Variants in FZD3 observed in about 807,000 individuals in gnomAD.
The protein encoded by FZD3 is frizzled-3.
Under a neutral mutation model 60.7 loss-of-function variants are expected in FZD3, and 30 were observed. The observed-to-expected ratio is 0.49, with a 90% CI of 0.37 to 0.67. FZD3 has a LOEUF of 0.67. Ranked by LOEUF, FZD3 falls within the 30% of genes least tolerant of loss-of-function variation. FZD3 has a pLI of 0.00. For synonymous variants in FZD3, 246 were observed against 275.2 expected (o/e 0.89, Z 1.05); for missense variants, 605 against 838.7 (o/e 0.72, Z 3.44).
At position 28,562,953 on chromosome 8, in the gene FZD3, A is replaced by C; in HGVS notation, c.1943A>C (p.His648Pro). The C allele has an allele frequency of 6.2e-7, 1 of 1,613,768 alleles. No individual in the cohort carries two copies. The highest frequency in any genetic ancestry group is 8.5e-7 in the Non-Finnish European group (1 of 1,179,634). The part of the protein sequence containing the change: ...IRDLSNNPMT[H>P]ITHGTSMNRV... ...GATCTCAGTAATAATCCCATGACTC[A>C]TATCACACATGGCACCAGCATGAAT... Residue 648 changes from histidine (H) to proline (P), a missense_variant, in exon 8 of 8, where the codon CAT (histidine) becomes CCT (proline). His to Pro is a moderately conservative substitution (Grantham distance 77). Coordinates refer to ENST00000240093, the MANE Select transcript of FZD3 (RefSeq NM_017412.4).
chr8:28,572,522 T>C lies in FZD3; in HGVS notation c.*9511T>C, dbSNP rs2130495858. ...TTGAAGCAAATACCTTTTGGAAGTA[T>C]ATATGTTACATAAGACTTTCACTAA... On this transcript the variant is annotated 3_prime_UTR_variant, in exon 8 of 8. Transcript: ENST00000240093. The C allele has an allele frequency of 6.6e-6, 1 of 152,352 alleles. No individual in the cohort carries two copies. The highest frequency in any genetic ancestry group is 2.4e-5 in the African/African-American group (1 of 41,584). 9.4% of individuals were successfully genotyped at this position (152,352 alleles called of 1,614,324 possible).
At chr8:28,536,577 C>G (rs914532910) in intron 5 of FZD3, among the ~76,000 whole-genome samples, 2 of 152,066 alleles carry the variant, frequency 1.3e-5, no homozygotes, top group Non-Finnish European at 2.9e-5. Context: ...GCTGTGGTGG[C>G]ACACGCCTAT....
rs142052513 is a variant in FZD3, at chr8:28,516,329, A to T, written c.190-4309A>T. 2.3e-3 allele frequency among the ~76,000 whole-genome samples: 343 copies of T among 152,318 alleles called. 1 individual carries two copies. The highest frequency in any genetic ancestry group is 3.5e-3 in the Non-Finnish European group (239 of 68,028). On this transcript the variant is annotated intron_variant, in intron 3 of 7. Coordinates refer to ENST00000240093, the MANE Select transcript of FZD3 (RefSeq NM_017412.4). Reference sequence around the variant, plus strand: ...TTGTGATAAGTTTTGAAATTGGAAAATATGCGTACTCCAATTGGTTCTTTT... The same window carrying T: ...TTGTGATAAGTTTTGAAATTGGAAATTATGCGTACTCCAATTGGTTCTTTT...
intron 5 of FZD3, among the ~76,000 whole-genome samples, chr8:28,546,740 C>A (rs748488894): frequency 6.6e-6 from 1 of 152,106 alleles, no homozygotes; most frequent in Non-Finnish European, 1.5e-5. Context: ...CTTTGGGAGG[C>A]TGAGGCAGGC....
intron 1 of FZD3, among the ~76,000 whole-genome samples, chr8:28,494,833 C>T (rs1433369327): frequency 1.3e-5 from 2 of 152,022 alleles, no homozygotes; most frequent in Non-Finnish European, 2.9e-5. Flanking sequence ...GCTCCGGGGG[C>T]TCCCGGCCGC....
intron 3 of FZD3, among the ~76,000 whole-genome samples, chr8:28,507,575 C>T (rs1804173442): frequency 2.0e-5 from 3 of 152,118 alleles, no homozygotes; most frequent in Admixed American, 2.0e-4. Flanking sequence ...TTCTGTCACC[C>T]TTTCTTCATT....
At chr8:28,512,075 A>C (rs1804304427) in intron 3 of FZD3, among the ~76,000 whole-genome samples, 1 of 152,186 alleles carries the variant, frequency 6.6e-6, no homozygotes, top group Admixed American at 6.5e-5. Flanking sequence ...TCCAGTACCA[A>C]GGTTACCACA....
intron 3 of FZD3, among the ~76,000 whole-genome samples, chr8:28,513,152 A>C (rs1389988743): frequency 6.6e-6 from 1 of 152,124 alleles, no homozygotes; most frequent in East Asian, 1.9e-4. Flanking sequence ...ACTTTAGGAC[A>C]AAAAAATAGC....
chr8:28,532,568 C>A (rs1305301901), intron 5 of FZD3, among the ~76,000 whole-genome samples: 4 of 151,902 alleles, frequency 2.6e-5, no homozygotes, highest in Non-Finnish European at 5.9e-5. Flanking sequence ...GTGGGGCTTA[C>A]AGGCATGTGC....
intron 5 of FZD3, among the ~76,000 whole-genome samples, chr8:28,535,355 A>T (rs1199602964): frequency 1.3e-5 from 2 of 152,180 alleles, no homozygotes; most frequent in Admixed American, 6.5e-5. Context: ...ATCTTATATC[A>T]CTATGGTACA....
chr8:28,528,352 A>C (rs544706596), intron 5 of FZD3, among the ~76,000 whole-genome samples, 188 bp downstream of exon 5: 1 of 152,064 alleles, frequency 6.6e-6, no homozygotes, highest in African/African-American at 2.4e-5. Flanking sequence ...AGACATCTTC[A>C]TTTTAAAAGA....
chr8:28,562,895 C>T lies in FZD3; in HGVS notation c.1885C>T (p.Leu629Phe), dbSNP rs1238112154. ...CTCCAGGCATAGTAGTTCTCATCGG[C>T]TCAATGAACAGTCACGACATAGCAG... Reference protein sequence around the residue: ...DHSRHSSSHRLNEQSRHSSIR... With the variant: ...DHSRHSSSHRFNEQSRHSSIR... The change falls in exon 8 of 8, where the codon CTC becomes TTC. Residue 629 changes from leucine to phenylalanine, a missense_variant. Leu to Phe is a conservative substitution (Grantham distance 22, BLOSUM62 0). Transcript: ENST00000240093. The T allele has an allele frequency of 1.2e-6, 2 of 1,612,746 alleles. No homozygotes were observed. The highest frequency in any genetic ancestry group is 8.5e-7 in the Non-Finnish European group (1 of 1,178,876).
chr8:28,569,387 T>G lies in FZD3; in HGVS notation c.*6376T>G, dbSNP rs1805764119. ...TCTCTTTTGCAGTTAGCTGTGTAACTTTGGATAAGGCATTTTATCTCGTGG... is the reference window on the plus strand; with the variant it reads ...TCTCTTTTGCAGTTAGCTGTGTAACGTTGGATAAGGCATTTTATCTCGTGG... On this transcript the variant is annotated 3_prime_UTR_variant, in exon 8 of 8. Transcript: ENST00000240093. 1 of 152,090 alleles carries G rather than the reference T, an allele frequency of 6.6e-6. No individual in the cohort carries two copies. The highest frequency in any genetic ancestry group is 6.6e-5 in the Admixed American group (1 of 15,260). 9.4% of individuals were successfully genotyped at this position (152,090 alleles called of 1,614,324 possible).
In FZD3 at chr8:28,565,577, G is replaced by A. The variant is rs951986036; in HGVS notation, c.*2566G>A. On this transcript the variant is annotated 3_prime_UTR_variant, in exon 8 of 8. Transcript: ENST00000240093. ...TTTACAAGTGGGCCAAGTATAGACA[G>A]TTAAGTGAACATCACTATGAAAATC... The A allele has an allele frequency of 6.6e-6, 1 of 152,138 alleles. No homozygotes were observed. The highest frequency in any genetic ancestry group is 1.5e-5 in the Non-Finnish European group (1 of 67,992). 9.4% of individuals were successfully genotyped at this position (152,138 alleles called of 1,614,324 possible). A position where few individuals can be genotyped will look rare whatever the true frequency, so the allele number is the denominator to read the frequency against.
intron 7 of FZD3, among the ~76,000 whole-genome samples, chr8:28,558,881 G>A (rs1049176010): frequency 6.6e-6 from 1 of 152,196 alleles, no homozygotes; most frequent in African/African-American, 2.4e-5. Context: ...AAGATAAGAT[G>A]TATATGGAAG....
chr8:28,546,303 A>G (rs1031261396), intron 5 of FZD3, among the ~76,000 whole-genome samples: 44 of 152,230 alleles, frequency 2.9e-4, no homozygotes, highest in African/African-American at 8.7e-4. Context: ...ACCTTCAGTG[A>G]TATCACACTG....
At chr8:28,518,405 G>A (rs1453971078) in intron 3 of FZD3, among the ~76,000 whole-genome samples, 1 of 152,092 alleles carries the variant, frequency 6.6e-6, no homozygotes, top group Non-Finnish European at 1.5e-5. Context: ...TAGAGGCTGC[G>A]TTGCAATGTT....
intron 5 of FZD3, among the ~76,000 whole-genome samples, chr8:28,543,040 A>C (rs572915112): frequency 2.6e-5 from 4 of 152,186 alleles, no homozygotes; most frequent in Non-Finnish European, 5.9e-5. Flanking sequence ...ATTGAAGACA[A>C]CCTTGAAGTC....
At chr8:28,518,350 G>A (rs577260403) in intron 3 of FZD3, among the ~76,000 whole-genome samples, 20 of 151,884 alleles carry the variant, frequency 1.3e-4, no homozygotes, top group Non-Finnish European at 1.9e-4. Flanking sequence ...GAGCCATTGC[G>A]TCCAGCCAGC....
Sources: gnomAD v4.1 joint callset for allele counts (sites outside exome capture counted in the v4.1 genomes callset) on GRCh38, gnomAD v4.1.1 for gene constraint, MANE v1.5 for transcripts, NCBI Gene and HGNC (gene_info 2026-07-23, HGNC 2026-07-21) for gene names.